TDRD3: variants seen among roughly 807,000 people sequenced by gnomAD.
TDRD3 encodes the protein tudor domain-containing protein 3.
In TDRD3, 45 loss-of-function variants were observed where a neutral mutation model predicts 86.7. That is an observed-to-expected ratio of 0.52 (90% CI 0.41 to 0.67). TDRD3 has a LOEUF of 0.67. Ranked by LOEUF, TDRD3 falls within the 30% of genes least tolerant of loss-of-function variation. TDRD3 has a pLI of 0.00. For missense variants in TDRD3, 814 were observed against 889.0 expected, an observed-to-expected ratio of 0.92 and a Z score of 1.07; for synonymous variants, 298 against 301.7, an observed-to-expected ratio of 0.99 and a Z score of 0.13.
rs749532862 is a variant in TDRD3 at position 60,460,420 on chromosome 13, A to G, written c.233A>G (p.Asn78Ser). 3.7e-6 allele frequency: 6 copies of G among 1,602,954 alleles called. No homozygotes were observed. Among genetic ancestry groups the G allele is most frequent in the African/African-American group, 1.3e-5 (1 of 74,190 alleles). The change falls in exon 4 of 14, where the codon AAT (asparagine) becomes AGT (serine). Residue 78 changes from asparagine (N) to serine (S), a missense_variant. Asn to Ser is a conservative substitution (Grantham distance 46). Transcript: ENST00000377881. Reference protein sequence around the residue: ...PCVLQIQKIRNVAAPKDNEES... With the variant: ...PCVLQIQKIRSVAAPKDNEES... ...GTTTTGCAAATTCAAAAAATTCGCAATGTTGCTGCACCAAAGGATAATGAA... is the reference window on the plus strand; with the variant it reads ...GTTTTGCAAATTCAAAAAATTCGCAGTGTTGCTGCACCAAAGGATAATGAA...
rs763867847 is a variant in TDRD3 at position 60,528,635 on chromosome 13, T to C, written c.1410T>C (p.Cys470=). The stretch of plus-strand genomic sequence containing the variant: ...TATGGGCTGAAGACAGAATCAAATG[T>C]GATAGACCGTATTCTAGATATGACA... ...SEVWAEDRIK[C]DRPYSRYDRT... is the part of the protein sequence containing the mutation. The change falls in exon 11 of 14, where the codon TGT becomes TGC. Residue 470 remains cysteine (C), a synonymous_variant. Transcript: ENST00000377881. 1 of 1,613,994 alleles carries C rather than the reference T, an allele frequency of 6.2e-7. No homozygotes were observed. Among genetic ancestry groups the C allele is most frequent in the Admixed American group, 1.7e-5 (1 of 60,006 alleles).
chr13:60,554,859 T>C (rs1465326813), intron 12 of TDRD3, among the ~76,000 whole-genome samples: 1 of 152,204 alleles, frequency 6.6e-6, no homozygotes, highest in African/African-American at 2.4e-5. Flanking sequence ...CCAACCTCTG[T>C]TGAACATCTC....
intron 4 of TDRD3, among the ~76,000 whole-genome samples, chr13:60,461,768 G>A (rs1054800384): frequency 9.2e-5 from 14 of 152,168 alleles, no homozygotes; most frequent in Admixed American, 9.2e-4. Flanking sequence ...TAAACTGAGA[G>A]GTCTAAGAGT....
intron 8 of TDRD3, among the ~76,000 whole-genome samples, chr13:60,503,299 A>G (rs908062073): frequency 2.6e-5 from 4 of 152,120 alleles, no homozygotes; most frequent in Non-Finnish European, 4.4e-5. Flanking sequence ...CTTGATTGTA[A>G]CCCATCTTTT....
intron 7 of TDRD3, among the ~76,000 whole-genome samples, chr13:60,488,635 G>A (rs377188303): frequency 1.5e-4 from 23 of 151,816 alleles, no homozygotes; most frequent in South Asian, 4.2e-4. Context: ...GTGCAGTGGC[G>A]CGATCTTGGC....
chr13:60,517,399 C>G (rs528859313), intron 10 of TDRD3, among the ~76,000 whole-genome samples: 1 of 152,172 alleles, frequency 6.6e-6, no homozygotes, highest in South Asian at 2.1e-4. Flanking sequence ...CAAGAATCAT[C>G]TATGTATTGA....
At chr13:60,536,611 T>C (rs1018559119) in intron 12 of TDRD3, 2 of 152,134 alleles carry the variant, frequency 1.3e-5, no homozygotes, top group African/African-American at 4.8e-5. Flanking sequence ...CTATTTATTA[T>C]GTTCCCAGTT....
At chr13:60,446,368 A>AGGT (rs1955398608) in intron 3 of TDRD3, among the ~76,000 whole-genome samples, 1 of 152,028 alleles carries the variant, frequency 6.6e-6, no homozygotes. Context: ...GACTACAGAC[A>AGGT]GGTGCATGCC....
intron 1 of TDRD3, among the ~76,000 whole-genome samples, chr13:60,397,729 G>T (rs1351499209): frequency 6.6e-6 from 1 of 151,202 alleles, no homozygotes; most frequent in African/African-American, 2.4e-5. Context: ...CGACCGGAGC[G>T]CCGGGGAGGA....
chr13:60,552,362 C>T (rs1426343666), intron 12 of TDRD3, among the ~76,000 whole-genome samples: 3 of 152,244 alleles, frequency 2.0e-5, no homozygotes, highest in South Asian at 2.1e-4. Context: ...AAAATAATCT[C>T]CTTTGACTCC....
intron 2 of TDRD3, among the ~76,000 whole-genome samples, chr13:60,441,222 C>G (rs1001166785): frequency 6.6e-6 from 1 of 151,854 alleles, no homozygotes; most frequent in African/African-American, 2.4e-5. Context: ...AAGGACTCTT[C>G]TTGTTTAAGA....
chr13:60,548,138 A>G (rs1422570061), intron 12 of TDRD3, among the ~76,000 whole-genome samples: 1 of 152,196 alleles, frequency 6.6e-6, no homozygotes, highest in Non-Finnish European at 1.5e-5. Context: ...CCTGAGGAGT[A>G]TAGTAGAGGG....
chr13:60,507,369 C>G (rs910355130), intron 8 of TDRD3, among the ~76,000 whole-genome samples: 1 of 152,148 alleles, frequency 6.6e-6, no homozygotes, highest in Non-Finnish European at 1.5e-5. Context: ...ACAGAACTCT[C>G]CACCTCTAAT....
chr13:60,510,638 A>G lies in TDRD3; in HGVS notation c.1024A>G (p.Lys342Glu). Residue 342 changes from lysine (K) to glutamate (E), a missense_variant, in exon 10 of 14, where the codon AAA becomes GAA. By Grantham distance (56) the Lys-to-Glu change is moderately conservative. Coordinates refer to ENST00000377881, the MANE Select transcript of TDRD3 (RefSeq NM_001146070.2). ...TGCTTTTGCATCTAAAGGTAGAGGA[A>G]AAGGCAGGGGGCGAATAAGATCTGA... ...VMGPPLRGRG[K>E]GRGRIRSEDE... 6.3e-7 allele frequency: 1 copy of G among 1,597,768 alleles called. No individual in the cohort carries two copies. The highest frequency in any genetic ancestry group is 8.5e-7 in the Non-Finnish European group (1 of 1,172,600).
chr13:60,446,198 A>G (rs1955392660), intron 3 of TDRD3, among the ~76,000 whole-genome samples: 1 of 152,012 alleles, frequency 6.6e-6, no homozygotes, highest in African/African-American at 2.4e-5. Context: ...TAATAAACTA[A>G]TAGTTTTCTA....
intron 8 of TDRD3, among the ~76,000 whole-genome samples, chr13:60,502,503 G>A (rs1185801745): frequency 6.6e-6 from 1 of 152,088 alleles, no homozygotes; most frequent in East Asian, 1.9e-4. Flanking sequence ...TTTGCATAAA[G>A]TGCAGCAAGA....
chr13:60,425,777 G>A (rs1291181565), intron 1 of TDRD3, among the ~76,000 whole-genome samples: 2 of 151,488 alleles, frequency 1.3e-5, no homozygotes, highest in Non-Finnish European at 2.9e-5. Flanking sequence ...CTCCTCCTCA[G>A]CCTACTCAAC....
intron 12 of TDRD3, among the ~76,000 whole-genome samples, chr13:60,550,530 A>AC (rs1958026078): frequency 6.6e-6 from 1 of 152,106 alleles, no homozygotes; most frequent in Non-Finnish European, 1.5e-5. Flanking sequence ...TGTATTTGAT[A>AC]AACTGGTAGG....
chr13:60,517,717 T>C (rs1957205875), intron 10 of TDRD3, among the ~76,000 whole-genome samples: 1 of 152,354 alleles, frequency 6.6e-6, no homozygotes, highest in East Asian at 1.9e-4. Flanking sequence ...TAGATAGTAC[T>C]TTAAGCTTAA....
Sources: allele counts gnomAD v4.1 joint callset (sites outside exome capture counted in the v4.1 genomes callset), GRCh38; gene constraint gnomAD v4.1.1; transcripts MANE v1.5; gene names NCBI Gene and HGNC (gene_info 2026-07-23, HGNC 2026-07-21).